CALCR: variants seen among roughly 807,000 people sequenced by gnomAD.
CALCR encodes calcitonin receptor.
In CALCR, 47 loss-of-function variants were observed where a neutral mutation model predicts 59.5. The ratio of observed to expected loss-of-function variants is 0.79; its 90% CI spans 0.63 to 1.01. The LOEUF is 1.01. CALCR is among the 50% of genes least tolerant of loss of function. The probability of loss-of-function intolerance (pLI) is 0.00; values close to 1 mark genes in which losing one functional copy is unlikely to be tolerated. For missense variants in CALCR, 566 were observed against 597.1 expected (o/e 0.95, Z 0.54); for synonymous variants, 213 against 211.3 (o/e 1.01, Z -0.07).
At chr7:93,496,355 C>T (rs1801202933) in intron 2 of CALCR, among the ~76,000 whole-genome samples, 1 of 151,504 alleles carries the variant, frequency 6.6e-6, no homozygotes, top group Non-Finnish European at 1.5e-5. Flanking sequence ...ACCTGATTGA[C>T]CATGAAACAC....
chr7:93,497,243 C>G (rs955813103), intron 2 of CALCR, among the ~76,000 whole-genome samples: 1 of 151,524 alleles, frequency 6.6e-6, no homozygotes, highest in African/African-American at 2.4e-5. Flanking sequence ...TTACTCATGT[C>G]AATGACCTGA....
At chr7:93,475,574 G>A (rs1800650033) in intron 5 of CALCR, among the ~76,000 whole-genome samples, 1 of 151,442 alleles carries the variant, frequency 6.6e-6, no homozygotes, top group African/African-American at 2.4e-5. Context: ...ATGTAATTTG[G>A]TTTCAATGAA....
intron 2 of CALCR, among the ~76,000 whole-genome samples, chr7:93,513,834 T>G (rs1801598825): frequency 6.6e-6 from 1 of 151,588 alleles, no homozygotes; most frequent in Non-Finnish European, 1.5e-5. Context: ...TATTTACAAA[T>G]AAACATATAG....
chr7:93,483,643 G>T (rs1436641315), intron 3 of CALCR, among the ~76,000 whole-genome samples: 4 of 151,450 alleles, frequency 2.6e-5, no homozygotes, highest in Non-Finnish European at 5.9e-5. Context: ...TGCTGGGAAG[G>T]TGGTATCATT....
intron 2 of CALCR, among the ~76,000 whole-genome samples, chr7:93,499,634 G>A (rs369983005): frequency 3.3e-5 from 5 of 151,812 alleles, no homozygotes; most frequent in East Asian, 1.9e-4. Flanking sequence ...AAAAGAAATC[G>A]CAGGACTTTG....
chr7:93,520,065 G>T (rs1030184873), intron 2 of CALCR, among the ~76,000 whole-genome samples: 2 of 151,928 alleles, frequency 1.3e-5, no homozygotes, highest in Admixed American at 6.6e-5. Flanking sequence ...ATAAATTGCT[G>T]TTATTTTTGA....
At chr7:93,500,377 A>T (rs539001615) in intron 2 of CALCR, among the ~76,000 whole-genome samples, 3 of 152,028 alleles carry the variant, frequency 2.0e-5, no homozygotes, top group Admixed American at 6.6e-5. Flanking sequence ...CTTAGACTTG[A>T]ATAAAATGAG....
intron 2 of CALCR, among the ~76,000 whole-genome samples, chr7:93,566,078 AT>A (rs917974128): frequency 3.9e-5 from 6 of 152,104 alleles, no homozygotes; most frequent in Admixed American, 6.5e-5. Flanking sequence ...TATTAAAGAG[AT>A]TTTTTTCCTA....
chr7:93,505,788 AC>A (rs1240716954), intron 2 of CALCR, among the ~76,000 whole-genome samples: 1 of 152,152 alleles, frequency 6.6e-6, no homozygotes, highest in African/African-American at 2.4e-5. Flanking sequence ...AGAAGTTTAT[AC>A]AGGTTAAAAG....
intron 7 of CALCR, among the ~76,000 whole-genome samples, chr7:93,464,249 C>T (rs775071402): frequency 5.3e-5 from 8 of 151,936 alleles, no homozygotes; most frequent in Non-Finnish European, 2.9e-5. Context: ...TTTGCTATCA[C>T]AGGGTGAGAA....
intron 2 of CALCR, among the ~76,000 whole-genome samples, chr7:93,495,656 A>C (rs1257663829): frequency 6.6e-6 from 1 of 151,418 alleles, no homozygotes; most frequent in Non-Finnish European, 1.5e-5. Context: ...GACCTGTCTC[A>C]GTAATCTGGC....
chr7:93,494,075 G>A (rs192711954), intron 2 of CALCR, among the ~76,000 whole-genome samples: 1 of 151,416 alleles, frequency 6.6e-6, no homozygotes, highest in African/African-American at 2.4e-5. Context: ...AGAACACCAC[G>A]GGTGGTGCCA....
chr7:93,549,802 T>C (rs928368263), intron 2 of CALCR, among the ~76,000 whole-genome samples: 15 of 152,124 alleles, frequency 9.9e-5, no homozygotes, highest in African/African-American at 3.4e-4. Flanking sequence ...ATGAACAGTG[T>C]TTAAATATTA....
intron 3 of CALCR, among the ~76,000 whole-genome samples, chr7:93,486,461 A>G (rs1800947076): frequency 6.6e-6 from 1 of 151,586 alleles, no homozygotes; most frequent in African/African-American, 2.4e-5. Flanking sequence ...GATGAAAAAT[A>G]CATTTGAAAT....
At chr7:93,538,604 G>C (rs988205502) in intron 2 of CALCR, among the ~76,000 whole-genome samples, 5 of 151,874 alleles carry the variant, frequency 3.3e-5, no homozygotes, top group Non-Finnish European at 7.4e-5. Context: ...ATATTCTGGT[G>C]ATACTTAACC....
intron 2 of CALCR, among the ~76,000 whole-genome samples, chr7:93,488,738 A>G (rs1489043275): frequency 6.6e-6 from 1 of 151,856 alleles, no homozygotes. Context: ...TATGCACCCT[A>G]TACAGGAGCA....
chr7:93,470,719 T>A (rs143541904), intron 6 of CALCR, among the ~76,000 whole-genome samples: 139 of 151,598 alleles, frequency 9.2e-4, no homozygotes, highest in Middle Eastern at 3.4e-3. Context: ...GGAAGATTTG[T>A]GGAAAGCATT....
intron 2 of CALCR, among the ~76,000 whole-genome samples, chr7:93,505,855 C>A (rs1488096075): frequency 6.6e-6 from 1 of 152,154 alleles, no homozygotes; most frequent in African/African-American, 2.4e-5. Context: ...TTCTCTTTGC[C>A]AGCCCCGTGT....
At chr7:93,541,133 G>A (rs2116180631) in intron 2 of CALCR, among the ~76,000 whole-genome samples, 1 of 152,250 alleles carries the variant, frequency 6.6e-6, no homozygotes, top group Admixed American at 6.5e-5. Context: ...AAATCCCAAA[G>A]CATCAAAGTC....
Sources: allele counts gnomAD v4.1 joint callset (sites outside exome capture counted in the v4.1 genomes callset), GRCh38; gene constraint gnomAD v4.1.1; transcripts MANE v1.5; gene names NCBI Gene and HGNC (gene_info 2026-07-23, HGNC 2026-07-21).